HCN1: variants seen among roughly 807,000 people sequenced by gnomAD.
HCN1 encodes the protein potassium/sodium hyperpolarization-activated cyclic nucleotide-gated channel 1.
Under a neutral mutation model 78.9 loss-of-function variants are expected in HCN1, and 13 were observed. The observed-to-expected ratio is 0.16, with a 90% CI of 0.11 to 0.26. HCN1 has a LOEUF of 0.26. Ranked by LOEUF, HCN1 falls within the 10% of genes least tolerant of loss-of-function variation. The pLI, the probability that HCN1 is intolerant of heterozygous loss-of-function variation, is 1.00. For missense variants in HCN1, 810 were observed against 1,154.3 expected (o/e 0.70, Z 4.32); for synonymous variants, 552 against 455.5 (o/e 1.21, Z -2.70).
At chr5:45,488,213 T>A (rs1386778013) in intron 2 of HCN1, among the ~76,000 whole-genome samples, 1 of 152,104 alleles carries the variant, frequency 6.6e-6, no homozygotes, top group Non-Finnish European at 1.5e-5. Flanking sequence ...ATAATTCTCT[T>A]ATGCTTCTTT....
intron 5 of HCN1, among the ~76,000 whole-genome samples, chr5:45,311,532 T>C (rs999780179): frequency 6.6e-6 from 1 of 152,186 alleles, no homozygotes; most frequent in Admixed American, 6.6e-5. Flanking sequence ...TAAACACCCA[T>C]GCAGAAATGA....
rs117890954 is a variant in HCN1, at chr5:45,537,265, A to T, written c.850-75258T>A. 2.4e-3 allele frequency among the ~76,000 whole-genome samples: 369 copies of T among 152,276 alleles called. 12 individuals are homozygous for T. The East Asian group carries it at 0.054, about 22-fold the overall frequency. ...TCAACTGCCCTCAATTTTTAAAAAA[A>T]ATATTTCTTTCAGTTTATATGATAG... On this transcript the variant is annotated intron_variant, in intron 2 of 7. Transcript: ENST00000303230.
intron 6 of HCN1, among the ~76,000 whole-genome samples, chr5:45,291,802 A>G (rs904988787): frequency 1.6e-4 from 24 of 152,000 alleles, no homozygotes; most frequent in African/African-American, 4.3e-4. Flanking sequence ...AGTGCCGGGA[A>G]TACAGGCACA....
intron 4 of HCN1, among the ~76,000 whole-genome samples, chr5:45,358,289 G>A (rs1747043515): frequency 6.6e-6 from 1 of 152,048 alleles, no homozygotes; most frequent in Non-Finnish European, 1.5e-5. Context: ...TCTAATAGAA[G>A]AATAGTAAGC....
At chr5:45,299,037 G>T (rs1229330167) in intron 6 of HCN1, among the ~76,000 whole-genome samples, 1 of 151,962 alleles carries the variant, frequency 6.6e-6, no homozygotes, top group East Asian at 1.9e-4. Flanking sequence ...CGTTCTACAA[G>T]ATACCTTAAC....
At chr5:45,645,641 A>G (rs749726650) in intron 1 of HCN1, 33 bp from the exon 2 acceptor site, 50 of 1,470,624 alleles carry the variant, frequency 3.4e-5, no homozygotes, top group Non-Finnish European at 4.7e-5. Context: ...ATTTTAAGAT[A>G]TAGAAAATAA....
chr5:45,592,103 C>T (rs1744376649), intron 2 of HCN1, among the ~76,000 whole-genome samples: 1 of 152,006 alleles, frequency 6.6e-6, no homozygotes, highest in African/African-American at 2.4e-5. Flanking sequence ...AATTACTTGA[C>T]TCTATGTAGG....
intron 2 of HCN1, among the ~76,000 whole-genome samples, chr5:45,522,852 T>G (rs1243101763): frequency 6.6e-6 from 1 of 151,932 alleles, no homozygotes; most frequent in Non-Finnish European, 1.5e-5. Flanking sequence ...TTTTTTTTCC[T>G]TTTTTAAATT....
At chr5:45,520,189 T>C (rs577555605) in intron 2 of HCN1, among the ~76,000 whole-genome samples, 44 of 152,176 alleles carry the variant, frequency 2.9e-4, no homozygotes, top group African/African-American at 1.0e-3. Context: ...TGGAGTAATC[T>C]TTATTGAACA....
intron 1 of HCN1, among the ~76,000 whole-genome samples, chr5:45,685,139 GACTGT>G (rs1429822837): frequency 6.6e-6 from 1 of 151,794 alleles, no homozygotes; most frequent in Non-Finnish European, 1.5e-5. Context: ...ACAATTTTTA[GACTGT>G]TAAACATGAC....
At chr5:45,327,623 C>CA (rs930188727) in intron 5 of HCN1, among the ~76,000 whole-genome samples, 7 of 151,466 alleles carry the variant, frequency 4.6e-5, no homozygotes, top group Non-Finnish European at 7.4e-5. Context: ...TTGTGTCTCC[C>CA]AAAAAAATTT....
chr5:45,524,580 G>C (rs949180667), intron 2 of HCN1, among the ~76,000 whole-genome samples: 1 of 152,086 alleles, frequency 6.6e-6, no homozygotes, highest in African/African-American at 2.4e-5. Context: ...CATGTCCCTT[G>C]TAAGTTGGAT....
intron 6 of HCN1, among the ~76,000 whole-genome samples, chr5:45,284,131 C>T (rs925978467): frequency 6.6e-6 from 1 of 151,796 alleles, no homozygotes; most frequent in Non-Finnish European, 1.5e-5. Context: ...GATACTGGGG[C>T]CTATTTGAGG....
At chr5:45,283,255 G>T (rs150026104) in intron 6 of HCN1, among the ~76,000 whole-genome samples, 3 of 151,996 alleles carry the variant, frequency 2.0e-5, no homozygotes, top group Admixed American at 2.0e-4. Flanking sequence ...TGACAAAGAT[G>T]CCAAAAGCAA....
intron 3 of HCN1, among the ~76,000 whole-genome samples, chr5:45,422,983 G>A (rs1449900762): frequency 1.3e-5 from 2 of 151,922 alleles, no homozygotes; most frequent in Non-Finnish European, 2.9e-5. Flanking sequence ...ACAACAAGGT[G>A]ACTACAGTCA....
chr5:45,493,836 T>G (rs1174477610), intron 2 of HCN1, among the ~76,000 whole-genome samples: 2 of 145,430 alleles, frequency 1.4e-5, no homozygotes, highest in East Asian at 2.0e-4. Flanking sequence ...CACCTATGAG[T>G]GAGAATATGC....
At chr5:45,270,104 T>G (rs1279970738) in intron 6 of HCN1, among the ~76,000 whole-genome samples, 1 of 152,214 alleles carries the variant, frequency 6.6e-6, no homozygotes, top group Admixed American at 6.5e-5. Flanking sequence ...CCCATAATAC[T>G]TTTGTTTTCC....
intron 1 of HCN1, among the ~76,000 whole-genome samples, chr5:45,685,740 A>G (rs1243612606): frequency 1.3e-5 from 2 of 152,162 alleles, no homozygotes; most frequent in East Asian, 3.9e-4. Context: ...TTCCAGTGCT[A>G]ACTGCCTCAT....
intron 5 of HCN1, among the ~76,000 whole-genome samples, chr5:45,321,712 T>C (rs558045482): frequency 1.3e-5 from 2 of 151,942 alleles, no homozygotes; most frequent in South Asian, 4.1e-4. Context: ...CGTATTTTTA[T>C]GGCAGATCAT....
Sources: gnomAD v4.1 joint callset for allele counts (sites outside exome capture counted in the v4.1 genomes callset) on GRCh38, gnomAD v4.1.1 for gene constraint, MANE v1.5 for transcripts, NCBI Gene and HGNC (gene_info 2026-07-23, HGNC 2026-07-21) for gene names.